PCED1B: variants seen among roughly 807,000 people sequenced by gnomAD.
PCED1B encodes PC-esterase domain-containing protein 1B.
For missense variants in PCED1B, 573 were observed against 573.9 expected (o/e 1.00, Z 0.02); for synonymous variants, 251 against 246.1 (o/e 1.02, Z -0.19).
chr12:47,111,609 C>T (rs979177998), intron 2 of PCED1B, among the ~76,000 whole-genome samples: 14 of 152,134 alleles, frequency 9.2e-5, no homozygotes, highest in Non-Finnish European at 1.9e-4. Flanking sequence ...CCCTCAACCC[C>T]TGGCAACCAC....
At chr12:47,141,196 G>A (rs1364432651) in intron 2 of PCED1B, among the ~76,000 whole-genome samples, 1 of 152,188 alleles carries the variant, frequency 6.6e-6, no homozygotes, top group African/African-American at 2.4e-5. Flanking sequence ...AGGAAAAAGT[G>A]ATGGAATAGG....
intron 2 of PCED1B, among the ~76,000 whole-genome samples, chr12:47,184,395 T>G (rs1942190943): frequency 6.6e-6 from 1 of 152,126 alleles, no homozygotes; most frequent in Non-Finnish European, 1.5e-5. Flanking sequence ...CCACATTGGA[T>G]TTCAAACCAT....
chr12:47,166,002 A>G (rs1056737498), intron 2 of PCED1B, among the ~76,000 whole-genome samples: 1 of 152,152 alleles, frequency 6.6e-6, no homozygotes, highest in Non-Finnish European at 1.5e-5. Context: ...TGATTTTGTC[A>G]TGCCCACTCC....
chr12:47,220,470 C>G (rs1162401404), intron 3 of PCED1B, among the ~76,000 whole-genome samples: 1 of 152,144 alleles, frequency 6.6e-6, no homozygotes, highest in African/African-American at 2.4e-5. Flanking sequence ...CTATGCCCAG[C>G]CAACCTTAGG....
intron 2 of PCED1B, among the ~76,000 whole-genome samples, chr12:47,114,002 C>T (rs1565755292): frequency 6.6e-6 from 1 of 151,674 alleles, no homozygotes; most frequent in Non-Finnish European, 1.5e-5. Flanking sequence ...TTTAGAGGTA[C>T]ACAATGGGGA....
At chr12:47,094,966 G>A (rs933757027) in intron 1 of PCED1B, among the ~76,000 whole-genome samples, 6 of 150,238 alleles carry the variant, frequency 4.0e-5, no homozygotes, top group African/African-American at 1.2e-4. Context: ...GAATGCAGTG[G>A]CGTGATCATG....
intron 3 of PCED1B, among the ~76,000 whole-genome samples, chr12:47,228,108 G>T (rs562473307): frequency 1.3e-5 from 2 of 148,996 alleles, no homozygotes; most frequent in Non-Finnish European, 3.0e-5. Flanking sequence ...ATCTCAGCTC[G>T]CTGCAACCTC....
Position 47,236,112 on chromosome 12 carries a change from C to G in PCED1B, c.1049C>G (p.Ser350Trp), listed in dbSNP as rs749007819. 5.8e-5 allele frequency: 94 copies of G among 1,614,010 alleles called. No individual in the cohort carries two copies. The highest frequency in any genetic ancestry group is 3.2e-5 in the Non-Finnish European group (38 of 1,180,028). ...TTTTCCTCAGACCATACTTTCCAGT[C>G]GGATCAATTCTATTGCCATTCAGAT... is the stretch of plus-strand genomic sequence containing the variant. The part of the protein sequence containing the change: ...ACFSSDHTFQ[S>W]DQFYCHSDVP... The change falls in exon 4 of 4, where the codon TCG (serine) becomes TGG (tryptophan). Residue 350 changes from serine (S) to tryptophan (W), a missense_variant. Transcript: ENST00000546455.
At chr12:47,168,463 T>G (rs1592229564) in intron 2 of PCED1B, among the ~76,000 whole-genome samples, 1 of 152,166 alleles carries the variant, frequency 6.6e-6, no homozygotes, top group Non-Finnish European at 1.5e-5. Context: ...TGATTTTCCT[T>G]TTTAGGTCTA....
intron 2 of PCED1B, among the ~76,000 whole-genome samples, chr12:47,178,274 G>C (rs1387934223): frequency 2.0e-5 from 3 of 152,200 alleles, no homozygotes; most frequent in Non-Finnish European, 4.4e-5. Flanking sequence ...ACAGGCATCA[G>C]GAAGTGCAGC....
intron 3 of PCED1B, chr12:47,223,579 G>C (rs1399692509): frequency 6.6e-6 from 1 of 152,226 alleles, no homozygotes; most frequent in Non-Finnish European, 1.5e-5. Flanking sequence ...GGCCAAGGAG[G>C]GTAAAGAAAA....
At chr12:47,087,952 G>A (rs918697588) in intron 1 of PCED1B, among the ~76,000 whole-genome samples, 24 of 152,268 alleles carry the variant, frequency 1.6e-4, no homozygotes, top group Middle Eastern at 3.4e-3. Flanking sequence ...GCCAAATAGA[G>A]TATTGAATAA....
chr12:47,164,567 T>TA (rs988691360), intron 2 of PCED1B, among the ~76,000 whole-genome samples: 60 of 152,344 alleles, frequency 3.9e-4, no homozygotes, highest in African/African-American at 1.3e-3. Context: ...CTTTCCCAGG[T>TA]AAGTGTTTCA....
chr12:47,189,361 A>C (rs1409693322), intron 2 of PCED1B, among the ~76,000 whole-genome samples: 1 of 152,162 alleles, frequency 6.6e-6, no homozygotes, highest in Non-Finnish European at 1.5e-5. Flanking sequence ...CTGATTTCAA[A>C]ATCCAGTCTA....
chr12:47,136,129 G>C (rs1235343665), intron 2 of PCED1B, among the ~76,000 whole-genome samples: 1 of 78,210 alleles, frequency 1.3e-5, no homozygotes, highest in African/African-American at 4.7e-5. Context: ...ATCATGTTTT[G>C]GTATTCATTT....
At chr12:47,208,730 T>C (rs925692105) in intron 2 of PCED1B, 4 of 152,172 alleles carry the variant, frequency 2.6e-5, no homozygotes, top group African/African-American at 9.7e-5. Context: ...GGTTTCAAAC[T>C]CCTGGGCTCA....
At chr12:47,093,369 T>C (rs952396134) in intron 1 of PCED1B, among the ~76,000 whole-genome samples, 5 of 134,436 alleles carry the variant, frequency 3.7e-5, no homozygotes, top group Admixed American at 1.4e-4. Context: ...GTTTTGTCTA[T>C]TTTTTTTTCT....
chr12:47,194,426 G>A (rs191843849), intron 2 of PCED1B, among the ~76,000 whole-genome samples: 1 of 152,306 alleles, frequency 6.6e-6, no homozygotes, highest in African/African-American at 2.4e-5. Flanking sequence ...ACCTGCCTAG[G>A]CCTTCCAAAG....
chr12:47,174,494 C>G (rs1273938997), intron 2 of PCED1B, among the ~76,000 whole-genome samples: 1 of 151,938 alleles, frequency 6.6e-6, no homozygotes, highest in Non-Finnish European at 1.5e-5. Context: ...AAATTAAGCT[C>G]TTTAACCCAA....
Sources: allele counts gnomAD v4.1 joint callset (sites outside exome capture counted in the v4.1 genomes callset), GRCh38; gene constraint gnomAD v4.1.1; transcripts MANE v1.5; gene names NCBI Gene and HGNC (gene_info 2026-07-23, HGNC 2026-07-21).